KCTD1: variants seen among roughly 807,000 people sequenced by gnomAD.
The protein encoded by KCTD1 is BTB/POZ domain-containing protein KCTD1.
A neutral mutation model predicts 66.0 loss-of-function variants in KCTD1; 24 were observed. The ratio of observed to expected loss-of-function variants is 0.36; its 90% CI spans 0.26 to 0.51. The LOEUF (loss-of-function observed/expected upper bound fraction) is 0.51, where lower values mean the gene tolerates loss of function less well. Among genes scored for constraint, KCTD1 ranks in the 20% least tolerant of loss-of-function variants. The pLI is 0.95. For missense variants in KCTD1, 943 were observed against 1,205.2 expected (o/e 0.78, Z 3.22); for synonymous variants, 511 against 517.2 (o/e 0.99, Z 0.16).
At chr18:26,539,070 C>T (rs1028808205) in intron 1 of KCTD1, among the ~76,000 whole-genome samples, 1 of 152,304 alleles carries the variant, frequency 6.6e-6, no homozygotes, top group Non-Finnish European at 1.5e-5. Context: ...ATTTCATGTT[C>T]TATCATCTTC....
intron 1 of KCTD1, among the ~76,000 whole-genome samples, chr18:26,559,763 C>G (rs552975190): frequency 2.6e-5 from 4 of 152,290 alleles, no homozygotes; most frequent in African/African-American, 9.6e-5. Flanking sequence ...AACTTCCTTT[C>G]CAATGGGGAA....
At chr18:26,493,215 A>C (rs1438618365) in intron 2 of KCTD1, among the ~76,000 whole-genome samples, 1 of 152,190 alleles carries the variant, frequency 6.6e-6, no homozygotes, top group East Asian at 1.9e-4. Context: ...TAGGATACCC[A>C]GTATGACTCA....
chr18:26,540,219 C>G (rs1278236832), intron 1 of KCTD1, among the ~76,000 whole-genome samples: 1 of 152,218 alleles, frequency 6.6e-6, no homozygotes, highest in Non-Finnish European at 1.5e-5. Flanking sequence ...AATTTGGCAA[C>G]TGAATTACTC....
upstream of KCTD1, among the ~76,000 whole-genome samples, chr18:26,630,711 ATAATC>A (rs1987600595): frequency 6.6e-6 from 1 of 152,242 alleles, no homozygotes; most frequent in Non-Finnish European, 1.5e-5. Context: ...TGCTATGAAG[ATAATC>A]TCAAGGAAAA....
chr18:26,600,159 C>A, intron 1 of KCTD1: 1 of 1,606,018 alleles, frequency 6.2e-7, no homozygotes, highest in Non-Finnish European at 8.5e-7. Flanking sequence ...GCACCTGTGG[C>A]CTTGCCAAAG....
At chr18:26,603,389 C>T (rs1447199785) in intron 1 of KCTD1, among the ~76,000 whole-genome samples, 1 of 150,796 alleles carries the variant, frequency 6.6e-6, no homozygotes, top group Non-Finnish European at 1.5e-5. Flanking sequence ...CCAAGATTGC[C>T]CCACTGCACT....
chr18:26,610,300 T>C (rs1312949817), intron 1 of KCTD1, among the ~76,000 whole-genome samples: 1 of 152,172 alleles, frequency 6.6e-6, no homozygotes, highest in African/African-American at 2.4e-5. Context: ...TGGCCAGGCA[T>C]GGTGGCTCAT....
chr18:26,578,137 A>G lies in KCTD1; in HGVS notation c.-16+51010T>C, dbSNP rs529759379. Reference sequence around the variant, plus strand: ...AGTGCTCCGATCTCGGCTCACTGCAACCTCAGCTTCCTGGGTTCAAGCGAT... The same window carrying G: ...AGTGCTCCGATCTCGGCTCACTGCAGCCTCAGCTTCCTGGGTTCAAGCGAT... On this transcript the variant is annotated intron_variant, in intron 1 of 4. Transcript: ENST00000317932. Among the ~76,000 whole-genome samples the G allele has an allele frequency of 6.7e-5, 10 of 148,402 alleles. No homozygotes were observed. The East Asian group carries it at 2.0e-3, about 29-fold the overall frequency.
intron 1 of KCTD1, among the ~76,000 whole-genome samples, chr18:26,636,772 G>T (rs140174241): frequency 6.6e-6 from 1 of 152,170 alleles, no homozygotes; most frequent in Admixed American, 6.5e-5. Context: ...GTCCTGCCAC[G>T]CTTCAGAGAA....
intron 4 of KCTD1, chr18:26,456,948 A>C (rs1348178514): frequency 6.6e-6 from 1 of 151,782 alleles, no homozygotes; most frequent in Non-Finnish European, 1.5e-5. Flanking sequence ...CAAAACAAAA[A>C]AACCCACCTC....
intron 1 of KCTD1, among the ~76,000 whole-genome samples, chr18:26,601,436 C>A (rs1317154747): frequency 6.6e-6 from 1 of 150,668 alleles, no homozygotes; most frequent in African/African-American, 2.4e-5. Flanking sequence ...ATCCTTATGT[C>A]AGCATCATAT....
chr18:26,628,017 G>A (rs374154885), intron 1 of KCTD1, among the ~76,000 whole-genome samples: 1 of 152,296 alleles, frequency 6.6e-6, no homozygotes, highest in African/African-American at 2.4e-5. Flanking sequence ...CCCACCATGT[G>A]ATCTGCCAGG....
intron 1 of KCTD1, among the ~76,000 whole-genome samples, chr18:26,610,535 G>A (rs546950837): frequency 5.9e-5 from 9 of 151,928 alleles, no homozygotes; most frequent in Non-Finnish European, 8.8e-5. Context: ...CTATGACAGC[G>A]CCAATGCACT....
At chr18:26,511,838 G>C (rs71362645) in intron 1 of KCTD1, among the ~76,000 whole-genome samples, 1 of 152,110 alleles carries the variant, frequency 6.6e-6, no homozygotes, top group Non-Finnish European at 1.5e-5. Flanking sequence ...ATACTGGCTG[G>C]AGGCTTAGAA....
chr18:26,656,610 G>T (rs1342171634), intron 1 of KCTD1, among the ~76,000 whole-genome samples: 1 of 151,108 alleles, frequency 6.6e-6, no homozygotes, highest in African/African-American at 2.4e-5. Flanking sequence ...CCGGGCAAAA[G>T]GGGGAAGGAA....
chr18:26,497,916 C>G (rs1234985639), intron 2 of KCTD1, among the ~76,000 whole-genome samples: 1 of 152,042 alleles, frequency 6.6e-6, no homozygotes, highest in Admixed American at 6.6e-5. Context: ...AGGCAAGAAT[C>G]CAGATGTAAA....
chr18:26,547,185 T>A lies in KCTD1; in HGVS notation c.1352A>T (p.His451Leu). Residue 451 changes from histidine (H) to leucine (L), a missense_variant, in exon 1 of 5, where the codon CAC becomes CTC. Coordinates refer to ENST00000580059, the MANE Select transcript of KCTD1 (RefSeq NM_001142730.3). ...AAKLSKTYTN[H>L]CIGAVSIATL... Reference sequence around the variant, plus strand: ...GGCGATGGAGACGGCGCCGATGCAGTGGTTGGTGTAGGTCTTGGAGAGCTT... The same window carrying A: ...GGCGATGGAGACGGCGCCGATGCAGAGGTTGGTGTAGGTCTTGGAGAGCTT... 6.4e-7 allele frequency: 1 copy of A among 1,551,148 alleles called. No homozygotes were observed.
intron 1 of KCTD1, chr18:26,567,037 C>T (rs1024537689): frequency 6.6e-6 from 1 of 152,040 alleles, no homozygotes; most frequent in Non-Finnish European, 1.5e-5. Context: ...AAGTGGCTCT[C>T]TGGGAGCTAA....
chr18:26,485,070 T>C (rs767137440), intron 2 of KCTD1, among the ~76,000 whole-genome samples: 1 of 152,200 alleles, frequency 6.6e-6, no homozygotes, highest in Non-Finnish European at 1.5e-5. Context: ...CCAAGACCCA[T>C]AGACCTGGGT....
Sources: gnomAD v4.1 joint callset for allele counts (sites outside exome capture counted in the v4.1 genomes callset) on GRCh38, gnomAD v4.1.1 for gene constraint, MANE v1.5 for transcripts, NCBI Gene and HGNC (gene_info 2026-07-23, HGNC 2026-07-21) for gene names.